ZBBX: variants seen among roughly 807,000 people sequenced by gnomAD.
The protein encoded by ZBBX is zinc finger B-box domain-containing protein 1.
ZBBX carries 101 observed loss-of-function variants against 108.5 expected under a neutral mutation model. The observed-to-expected ratio is 0.93, with a 90% CI of 0.79 to 1.10. ZBBX has a LOEUF of 1.10. ZBBX is among the 50% of genes least tolerant of loss of function. The pLI, the probability that ZBBX is intolerant of heterozygous loss-of-function variation, is 0.00. For missense variants in ZBBX, 1,009 were observed against 941.4 expected, an observed-to-expected ratio of 1.07 and a Z score of -0.94; for synonymous variants, 356 against 323.4, an observed-to-expected ratio of 1.10 and a Z score of -1.08.
intron 9 of ZBBX, among the ~76,000 whole-genome samples, chr3:167,338,743 T>C (rs758182556): frequency 9.9e-5 from 15 of 152,126 alleles, no homozygotes; most frequent in South Asian, 2.1e-4. Flanking sequence ...GTTATTTTAT[T>C]TGAGTTTGTT....
chr3:167,363,601 C>CT (rs71176645), intron 6 of ZBBX, among the ~76,000 whole-genome samples: 11,043 of 152,014 alleles, frequency 0.073, 477 homozygotes, highest in Admixed American at 0.11. Context: ...ACTGGCACCT[C>CT]TTTCATCTAC....
At chr3:167,340,596 T>G (rs1560151159) in intron 9 of ZBBX, among the ~76,000 whole-genome samples, 1 of 152,002 alleles carries the variant, frequency 6.6e-6, no homozygotes, top group Non-Finnish European at 1.5e-5. Context: ...ATTTATTCCC[T>G]GAAAATAGGC....
At chr3:167,229,652 C>T in the ZBBX span, among the ~76,000 whole-genome samples, 12,356 of 151,790 alleles carry the variant, frequency 0.081, 696 homozygotes, top group Middle Eastern at 0.2. Context: ...CTTACTGCCA[C>T]CTCCCATCCA....
chr3:167,280,986 C>T (rs2108520310), intron 20 of ZBBX, among the ~76,000 whole-genome samples: 1 of 152,246 alleles, frequency 6.6e-6, no homozygotes, highest in African/African-American at 2.4e-5. Flanking sequence ...TCATCATTCT[C>T]AGTAAACTAT....
Position 167,305,685 on chromosome 3 carries a change from C to T in ZBBX, c.1683G>A (p.Lys561=). 1 of 1,606,674 alleles carries T rather than the reference C, an allele frequency of 6.2e-7. No individual in the cohort carries two copies. The highest frequency in any genetic ancestry group is 8.5e-7 in the Non-Finnish European group (1 of 1,177,900). The change falls in exon 17 of 22, where the codon AAG becomes AAA. Residue 561 remains lysine, a synonymous_variant. Coordinates refer to ENST00000675490, the MANE Select transcript of ZBBX (RefSeq NM_001199201.2). ...TTTTTGATTCTTCAAAGCTTGGCCTCTTATACAGATTGCTCAATTCCAAGG... is the reference window on the plus strand; with the variant it reads ...TTTTTGATTCTTCAAAGCTTGGCCTTTTATACAGATTGCTCAATTCCAAGG... ...KESLELSNLY[K]RPSFEESKTT...
intron 17 of ZBBX, among the ~76,000 whole-genome samples, chr3:167,304,664 C>A (rs922292271): frequency 6.6e-6 from 1 of 152,016 alleles, no homozygotes; most frequent in Admixed American, 6.5e-5. Flanking sequence ...CAAACCTATG[C>A]TAAATGAAAG....
At chr3:167,394,737 T>C (rs1486265633) in intron 1 of ZBBX, among the ~76,000 whole-genome samples, 3 of 152,036 alleles carry the variant, frequency 2.0e-5, no homozygotes, top group Non-Finnish European at 2.9e-5. Context: ...AAAGGTTTAT[T>C]CCTGCATGCA....
chr3:167,274,857 C>T (rs537483163), intron 20 of ZBBX, among the ~76,000 whole-genome samples: 10 of 152,132 alleles, frequency 6.6e-5, no homozygotes, highest in Non-Finnish European at 1.0e-4. Flanking sequence ...AGATAGGGAT[C>T]GCGTTAAGGA....
chr3:167,332,157 C>G (rs1256894181), intron 10 of ZBBX, among the ~76,000 whole-genome samples: 2 of 152,086 alleles, frequency 1.3e-5, no homozygotes, highest in Non-Finnish European at 2.9e-5. Flanking sequence ...GAGCACTGCT[C>G]TTTGGCACAG....
the ZBBX span, among the ~76,000 whole-genome samples, chr3:167,228,575 T>C: frequency 5.3e-5 from 8 of 151,846 alleles, no homozygotes; most frequent in Non-Finnish European, 1.0e-4. Flanking sequence ...GGTCCCACAA[T>C]GCGTTTGCAT....
At chr3:167,202,970 G>C in the ZBBX span, among the ~76,000 whole-genome samples, 1 of 152,090 alleles carries the variant, frequency 6.6e-6, no homozygotes, top group African/African-American at 2.4e-5. Flanking sequence ...CTTCCCCATA[G>C]TGTCATATTA....
chr3:167,217,812 G>C, the ZBBX span, among the ~76,000 whole-genome samples: 1 of 151,772 alleles, frequency 6.6e-6, no homozygotes, highest in African/African-American at 2.4e-5. Context: ...TCTTTGGTGA[G>C]AACATGGATG....
intron 1 of ZBBX, among the ~76,000 whole-genome samples, chr3:167,390,801 T>C (rs1017424530): frequency 6.6e-6 from 1 of 151,788 alleles, no homozygotes; most frequent in Non-Finnish European, 1.5e-5. Flanking sequence ...TGTTATTGGT[T>C]TATAGAATGC....
Position 167,312,345 on chromosome 3 carries a change from A to G in ZBBX, c.1417+1629T>C, listed in dbSNP as rs1275026651. On this transcript the variant is annotated intron_variant, in intron 16 of 21. Transcript: ENST00000675490. ...ACGAGAAGGTATTCTGTATGATACT[A>G]TAAGTGGTGAATATGTATCACATTA... Among the ~76,000 whole-genome samples the G allele has an allele frequency of 4.6e-5, 7 of 152,158 alleles. No homozygotes were observed. In the South Asian group the frequency reaches 6.2e-4, roughly 14 times the overall value.
chr3:167,351,451 G>A (rs577742406), intron 8 of ZBBX, among the ~76,000 whole-genome samples: 2 of 152,192 alleles, frequency 1.3e-5, no homozygotes, highest in African/African-American at 4.8e-5. Flanking sequence ...AGAGATGATG[G>A]GAGACACCAA....
intron 11 of ZBBX, among the ~76,000 whole-genome samples, chr3:167,326,352 A>T (rs1375074713): frequency 1.3e-5 from 2 of 152,104 alleles, no homozygotes; most frequent in Non-Finnish European, 2.9e-5. Context: ...ATGTACCAAA[A>T]TGTTAACATG....
chr3:167,340,564 T>C (rs73030664), intron 9 of ZBBX, among the ~76,000 whole-genome samples: 2,327 of 152,168 alleles, frequency 0.015, 71 homozygotes, highest in African/African-American at 0.053. Context: ...TGGGTCCTTC[T>C]TTATAGATAG....
chr3:167,229,055 T>G, the ZBBX span, among the ~76,000 whole-genome samples: 13 of 151,978 alleles, frequency 8.6e-5, no homozygotes, highest in African/African-American at 2.9e-4. Context: ...AACCTTAAGA[T>G]AAACTTAGCA....
the ZBBX span, among the ~76,000 whole-genome samples, chr3:167,187,933 G>A: frequency 0.013 from 1,971 of 152,236 alleles, 48 homozygotes; most frequent in African/African-American, 0.045. Flanking sequence ...GCATTCTACT[G>A]TTATAATAAT....
Sources: allele counts gnomAD v4.1 joint callset (sites outside exome capture counted in the v4.1 genomes callset), GRCh38; gene constraint gnomAD v4.1.1; transcripts MANE v1.5; gene names NCBI Gene and HGNC (gene_info 2026-07-23, HGNC 2026-07-21).